FBXO10: variants seen among roughly 807,000 people sequenced by gnomAD.
FBXO10 encodes F-box protein 10.
Under a neutral mutation model 80.7 loss-of-function variants are expected in FBXO10, and 39 were observed. The observed-to-expected ratio is 0.48, with a 90% CI of 0.37 to 0.63. The LOEUF is 0.63. Among genes scored for constraint, FBXO10 ranks in the 30% least tolerant of loss-of-function variants. The pLI is 0.00. For missense variants in FBXO10, 1,025 were observed against 1,269.0 expected (o/e 0.81, Z 2.92); for synonymous variants, 449 against 489.6 (o/e 0.92, Z 1.09).
Position 37,521,848 on chromosome 9 carries a change from T to C in FBXO10, c.1931-10A>G, listed in dbSNP as rs376182816. 1.9e-6 allele frequency: 3 copies of C among 1,557,910 alleles called. No homozygotes were observed. The highest frequency in any genetic ancestry group is 2.6e-6 in the Non-Finnish European group (3 of 1,154,476). ...CCACAGCCCTTGTTAGCTGGGACAG[T>C]GAGAGGAGCTGGTCACCGACACTGA... On this transcript the variant is annotated splice_polypyrimidine_tract_variant and intron_variant, in intron 7 of 10. Transcript: ENST00000432825.
intron 1 of FBXO10, among the ~76,000 whole-genome samples, chr9:37,553,842 G>C (rs370421512): frequency 6.7e-6 from 1 of 150,332 alleles, no homozygotes; most frequent in African/African-American, 2.4e-5. Flanking sequence ...CTTGAACCTG[G>C]GAGGCAGAGG....
At chr9:37,526,906 AG>A (rs1821490876) in intron 5 of FBXO10, among the ~76,000 whole-genome samples, 1 of 151,612 alleles carries the variant, frequency 6.6e-6, no homozygotes, top group African/African-American at 2.4e-5. Flanking sequence ...GCTGGAGTGC[AG>A]TGGCACGATC....
rs1029838793 is a variant in FBXO10 at position 37,512,462 on chromosome 9, A to G, written c.*85T>C. The G allele has an allele frequency of 3.5e-6, 5 of 1,434,274 alleles. No individual in the cohort carries two copies. The highest frequency in any genetic ancestry group is 1.4e-5 in the South Asian group (1 of 72,850). The allele number at this position is 1,434,274 out of a possible 1,614,324, so 88.8% of individuals were successfully genotyped here. On this transcript the variant is annotated 3_prime_UTR_variant, in exon 11 of 11. Transcript: ENST00000432825. ...ACCCATTTGTTCGAGGGGGAGGGGG[A>G]GGGGCGGAGTCTTTTCAGGCAGTAT...
intron 1 of FBXO10, among the ~76,000 whole-genome samples, chr9:37,542,701 A>T (rs1292104514): frequency 6.6e-6 from 1 of 152,132 alleles, no homozygotes. Context: ...CTTTAAAAAG[A>T]GGAAGAAAAC....
intron 1 of FBXO10, among the ~76,000 whole-genome samples, chr9:37,572,035 TCTTGAGC>T (rs1822773067): frequency 6.6e-6 from 1 of 151,858 alleles, no homozygotes; most frequent in East Asian, 1.9e-4. Context: ...GGGAGAGATC[TCTTGAGC>T]CTAGGAGGTT....
intron 1 of FBXO10, among the ~76,000 whole-genome samples, chr9:37,565,205 C>T (rs1332210473): frequency 6.6e-6 from 1 of 152,176 alleles, no homozygotes; most frequent in Non-Finnish European, 1.5e-5. Context: ...TTCCTGAGGC[C>T]TCCCCAGCCA....
chr9:37,541,924 G>A, intron 1 of FBXO10, 150 bp from the exon 2 acceptor site: 1 of 658,420 alleles, frequency 1.5e-6, no homozygotes, highest in Non-Finnish European at 2.5e-6. Flanking sequence ...CCACCTCCCA[G>A]ATTCAAGCAA....
rs772707246 is a variant in FBXO10 at position 37,541,783 on chromosome 9, C to T, written c.-6-9G>A. Reference sequence around the variant, plus strand: ...CCAGCCTCCATGGTCACCTAGGAGACAGACACAAAACAAAAGAGATTTCTG... The same window carrying T: ...CCAGCCTCCATGGTCACCTAGGAGATAGACACAAAACAAAAGAGATTTCTG... On this transcript the variant is annotated splice_polypyrimidine_tract_variant and intron_variant, in intron 1 of 10. Coordinates refer to ENST00000432825, the MANE Select transcript of FBXO10 (RefSeq NM_012166.3). 5 of 1,561,498 alleles carry T rather than the reference C, an allele frequency of 3.2e-6. No individual in the cohort carries two copies. The highest frequency in any genetic ancestry group is 2.7e-5 in the African/African-American group (2 of 72,902).
chr9:37,535,245 A>G (rs1031580944), intron 3 of FBXO10, among the ~76,000 whole-genome samples: 2 of 152,154 alleles, frequency 1.3e-5, no homozygotes, highest in Non-Finnish European at 2.9e-5. Context: ...TTTCCAAACT[A>G]AATACTACAG....
At chr9:37,534,440 GAA>G (rs775532090) in intron 3 of FBXO10, among the ~76,000 whole-genome samples, 2 of 152,032 alleles carry the variant, frequency 1.3e-5, no homozygotes, top group Non-Finnish European at 2.9e-5. Flanking sequence ...CGGCCTGGGT[GAA>G]AGAGTGAGAC....
intron 8 of FBXO10, among the ~76,000 whole-genome samples, chr9:37,518,951 C>T (rs1821257108): frequency 6.6e-6 from 1 of 151,714 alleles, no homozygotes; most frequent in Non-Finnish European, 1.5e-5. Context: ...GCTCTGTCGC[C>T]CAGGTTGGAG....
chr9:37,553,343 G>C (rs1402394112), intron 1 of FBXO10, among the ~76,000 whole-genome samples: 1 of 151,966 alleles, frequency 6.6e-6, no homozygotes, highest in East Asian at 1.9e-4. Context: ...CCGGCCACAT[G>C]TATGTTTTTA....
intron 1 of FBXO10, among the ~76,000 whole-genome samples, chr9:37,549,902 G>A (rs1822148415): frequency 6.6e-6 from 1 of 152,112 alleles, no homozygotes; most frequent in South Asian, 2.1e-4. Flanking sequence ...AGCCAGTGGT[G>A]CTCAATGCCT....
At chr9:37,569,800 A>C (rs1822702337) in intron 1 of FBXO10, among the ~76,000 whole-genome samples, 1 of 152,200 alleles carries the variant, frequency 6.6e-6, no homozygotes, top group African/African-American at 2.4e-5. Flanking sequence ...ACACCACTGT[A>C]CTCCAATGTG....
chr9:37,555,952 G>A lies in FBXO10; in HGVS notation c.-6-14178C>T, dbSNP rs1357347488. ...ATATAATCTCTTGTCTAAAAGCTTT[G>A]TGGTTTTGACTTTTACATACTGTTC... On this transcript the variant is annotated intron_variant, in intron 1 of 10. Coordinates refer to ENST00000432825, the MANE Select transcript of FBXO10 (RefSeq NM_012166.3). 5.9e-5 allele frequency among the ~76,000 whole-genome samples: 9 copies of A among 152,200 alleles called. No individual in the cohort carries two copies. The East Asian group carries it at 1.5e-3, about 26-fold the overall frequency.
intron 6 of FBXO10, among the ~76,000 whole-genome samples, chr9:37,523,380 T>G (rs1019333756): frequency 4.7e-5 from 6 of 128,334 alleles, no homozygotes; most frequent in Non-Finnish European, 8.8e-5. Flanking sequence ...GGAAATCCTG[T>G]CTCTAAAAAA....
chr9:37,530,866 C>T (rs1821603916), intron 4 of FBXO10, among the ~76,000 whole-genome samples: 1 of 152,190 alleles, frequency 6.6e-6, no homozygotes, highest in Non-Finnish European at 1.5e-5. Flanking sequence ...GTCTTAAACT[C>T]CTGGACTCAA....
chr9:37,562,341 G>A (rs1397980824), intron 1 of FBXO10, among the ~76,000 whole-genome samples: 5 of 152,144 alleles, frequency 3.3e-5, no homozygotes, highest in South Asian at 2.1e-4. Context: ...TGTCTTGGTC[G>A]CTCACAAATT....
intron 6 of FBXO10, 113 bp downstream of exon 6, chr9:37,524,989 G>T: frequency 1.1e-6 from 1 of 904,154 alleles, no homozygotes; most frequent in Non-Finnish European, 1.7e-6. Flanking sequence ...ACCAGTCAGA[G>T]AAAGAGGCCA....
Sources: allele counts gnomAD v4.1 joint callset (sites outside exome capture counted in the v4.1 genomes callset), GRCh38; gene constraint gnomAD v4.1.1; transcripts MANE v1.5; gene names NCBI Gene and HGNC (gene_info 2026-07-23, HGNC 2026-07-21).